The following DACH2 variants were observed in gnomAD, a reference collection of about 807,000 sequenced individuals.
DACH2 encodes the protein dachshund family transcription factor 2, also known as dachshund homolog 2.
In DACH2, 17 loss-of-function variants were observed where a neutral mutation model predicts 35.8. The observed-to-expected ratio is 0.48, with a 90% CI of 0.33 to 0.71. The LOEUF is 0.71. Ranked by LOEUF, DACH2 falls within the 30% of genes least tolerant of loss-of-function variation. The pLI, the probability that DACH2 is intolerant of heterozygous loss-of-function variation, is 0.02. For missense variants in DACH2, 469 were observed against 472.7 expected, an observed-to-expected ratio of 0.99 and a Z score of 0.07; for synonymous variants, 195 against 177.3, an observed-to-expected ratio of 1.10 and a Z score of -0.79.
At chrX:86,793,141 C>T (rs1234847003) in intron 7 of DACH2, among the ~76,000 whole-genome samples, 1 of 110,673 alleles carries the variant, frequency 9.0e-6, no homozygotes, top group East Asian at 2.8e-4. Context: ...TTTATCTACC[C>T]GTTGGCCATT....
At chrX:86,385,472 C>CA (rs2036109685) in intron 2 of DACH2, among the ~76,000 whole-genome samples, 1 of 111,116 alleles carries the variant, frequency 9.0e-6, no homozygotes, top group Non-Finnish European at 1.9e-5. Context: ...CAAACAAATA[C>CA]AAATAAAGAT....
intron 1 of DACH2, among the ~76,000 whole-genome samples, chrX:86,371,930 A>T (rs2035892080): frequency 5.4e-5 from 6 of 111,305 alleles, no homozygotes; most frequent in Admixed American, 2.9e-4. Flanking sequence ...TAGCAAATAG[A>T]CATTGTTTAT....
intron 7 of DACH2, among the ~76,000 whole-genome samples, chrX:86,787,717 G>T (rs1016912335): frequency 6.3e-5 from 7 of 110,503 alleles, no homozygotes; most frequent in Non-Finnish European, 9.4e-5. Flanking sequence ...CATAAATAGG[G>T]TTTTTTACTC....
At position 86,176,774 on chromosome X, in the gene DACH2, A is replaced by C. The variant is rs143333012; in HGVS notation, c.488+27666A>C. On this transcript the variant is annotated intron_variant, in intron 1 of 11. Transcript: ENST00000373125. ...AAGCTGTCTGAAGAATATTGTGAAA[A>C]TAACATTTTCCAAATAATTGAATAT... Among the ~76,000 whole-genome samples, 1,032 of 111,829 alleles carry C rather than the reference A, an allele frequency of 9.2e-3. 15 individuals are homozygous for C. The highest frequency in any genetic ancestry group is 0.031 in the African/African-American group (968 of 30,826).
intron 1 of DACH2, among the ~76,000 whole-genome samples, chrX:86,308,397 A>T (rs1250491559): frequency 4.4e-5 from 5 of 112,495 alleles, no homozygotes; most frequent in Non-Finnish European, 7.5e-5. Context: ...GAGGCAAAGC[A>T]GCAATCGTGT....
chrX:86,492,564 G>A (rs1046939249), intron 2 of DACH2, among the ~76,000 whole-genome samples: 3 of 111,773 alleles, frequency 2.7e-5, no homozygotes, highest in Non-Finnish European at 5.7e-5. Context: ...CAGGTAGTAA[G>A]CATAATATCC....
intron 1 of DACH2, among the ~76,000 whole-genome samples, chrX:86,180,789 T>C (rs1462160280): frequency 8.9e-6 from 1 of 112,072 alleles, no homozygotes; most frequent in Admixed American, 9.5e-5. Context: ...TCTATTTATT[T>C]TGATAATCGA....
At chrX:86,779,807 A>C (rs1171838462) in intron 7 of DACH2, among the ~76,000 whole-genome samples, 1 of 111,991 alleles carries the variant, frequency 8.9e-6, no homozygotes, top group Non-Finnish European at 1.9e-5. Context: ...CTCCAAAGTT[A>C]TTTTATTCTC....
rs181717581 is a variant in DACH2, at chrX:86,528,927, C to T, written c.640+14536C>T. 3.6e-5 allele frequency among the ~76,000 whole-genome samples: 4 copies of T among 112,346 alleles called. No homozygotes were observed. In the East Asian group the frequency reaches 1.1e-3, roughly 32 times the overall value. ...TCCATCACCTGAGTATTTATCATTT[C>T]TATGTGTTGGGTACATTTCAGATCC... On this transcript the variant is annotated intron_variant, in intron 3 of 11. Coordinates refer to ENST00000373125, the MANE Select transcript of DACH2 (RefSeq NM_053281.3).
chrX:86,152,492 C>A (rs953549643), intron 1 of DACH2, among the ~76,000 whole-genome samples: 1 of 111,392 alleles, frequency 9.0e-6, no homozygotes, highest in African/African-American at 3.3e-5. Flanking sequence ...ACTACCAGTG[C>A]CTTTTATTAA....
intron 2 of DACH2, among the ~76,000 whole-genome samples, chrX:86,454,602 T>C (rs904155291): frequency 1.8e-5 from 2 of 112,577 alleles, no homozygotes; most frequent in African/African-American, 3.2e-5. Flanking sequence ...ATTCTTGTTG[T>C]CTGCTTTTTA....
chrX:86,264,118 G>A (rs1032864694), intron 1 of DACH2, among the ~76,000 whole-genome samples: 15 of 111,837 alleles, frequency 1.3e-4, no homozygotes, highest in African/African-American at 2.6e-4. Flanking sequence ...TTTATGTATA[G>A]TGTATGCTTA....
chrX:86,285,895 C>T (rs2034134064), intron 1 of DACH2, among the ~76,000 whole-genome samples: 1 of 110,808 alleles, frequency 9.0e-6, no homozygotes, highest in Non-Finnish European at 1.9e-5. Flanking sequence ...GCTGAATTGA[C>T]TCCTTTATCA....
chrX:86,749,539 A>T (rs1356485352), intron 7 of DACH2, among the ~76,000 whole-genome samples: 2 of 111,447 alleles, frequency 1.8e-5, no homozygotes, highest in African/African-American at 6.5e-5. Flanking sequence ...TTTATCAATT[A>T]CGTTTGCCAT....
chrX:86,506,920 G>A (rs1433013104), intron 2 of DACH2, among the ~76,000 whole-genome samples: 1 of 111,891 alleles, frequency 8.9e-6, no homozygotes. Flanking sequence ...TCTACCTACT[G>A]CAACTGGGAT....
chrX:86,300,989 C>A (rs1324669374), intron 1 of DACH2, among the ~76,000 whole-genome samples: 1 of 111,903 alleles, frequency 8.9e-6, no homozygotes, highest in Non-Finnish European at 1.9e-5. Flanking sequence ...AAGTGGATTC[C>A]TTTAGTTGTT....
chrX:86,599,007 A>T (rs749698152), intron 3 of DACH2, among the ~76,000 whole-genome samples: 5 of 109,347 alleles, frequency 4.6e-5, no homozygotes, highest in African/African-American at 1.7e-4. Flanking sequence ...CCTGTGTCCA[A>T]GTGTTCTCAT....
intron 2 of DACH2, among the ~76,000 whole-genome samples, chrX:86,404,148 C>A (rs954001178): frequency 1.8e-5 from 2 of 110,638 alleles, no homozygotes; most frequent in Non-Finnish European, 3.8e-5. Context: ...GGGGACACAA[C>A]CAAACCATAT....
At chrX:86,750,532 C>T (rs1372219515) in intron 7 of DACH2, among the ~76,000 whole-genome samples, 2 of 111,929 alleles carry the variant, frequency 1.8e-5, no homozygotes, top group Non-Finnish European at 3.8e-5. Flanking sequence ...TACAGCAGAT[C>T]TCTTGAACTT....
Sources: allele counts gnomAD v4.1 joint callset (sites outside exome capture counted in the v4.1 genomes callset), GRCh38; gene constraint gnomAD v4.1.1; transcripts MANE v1.5; gene names NCBI Gene and HGNC (gene_info 2026-07-23, HGNC 2026-07-21).